ABCA9: variants seen among roughly 807,000 people sequenced by gnomAD.
ABCA9 encodes the protein ATP-binding cassette sub-family A member 9.
ABCA9 carries 183 observed loss-of-function variants against 205.3 expected under a neutral mutation model. That is an observed-to-expected ratio of 0.89 (90% CI 0.79 to 1.01). The LOEUF (loss-of-function observed/expected upper bound fraction) is 1.01, where lower values mean the gene tolerates loss of function less well. Among genes scored for constraint, ABCA9 ranks in the 50% least tolerant of loss-of-function variants. The pLI is 0.00. For synonymous variants in ABCA9, 651 were observed against 683.3 expected, an observed-to-expected ratio of 0.95 and a Z score of 0.74; for missense variants, 1,805 against 1,912.4, an observed-to-expected ratio of 0.94 and a Z score of 1.05.
intron 31 of ABCA9, 113 bp downstream of exon 31, chr17:68,988,914 A>C (rs1286782278): frequency 1.5e-6 from 1 of 652,760 alleles, no homozygotes; most frequent in African/African-American, 1.8e-5. Flanking sequence ...AATCTTCTTT[A>C]TTCAATGCAT....
intron 10 of ABCA9, among the ~76,000 whole-genome samples, chr17:69,031,613 C>T (rs1952168548): frequency 1.3e-5 from 2 of 152,310 alleles, no homozygotes; most frequent in South Asian, 4.1e-4. Flanking sequence ...ATGAAACTAA[C>T]AGTCCTGACT....
At position 69,035,819 on chromosome 17, in the gene ABCA9, C is replaced by G. The variant is rs768662846; in HGVS notation, c.801-18G>C. On this transcript the variant is annotated intron_variant, in intron 6 of 38. Coordinates refer to ENST00000340001, the MANE Select transcript of ABCA9 (RefSeq NM_080283.4). ...AGGAAAGCCTAGCAGAGAAACAAAG[C>G]CGTCAGTTAGAATGTTGTTACTTCA... 3.1e-6 allele frequency: 5 copies of G among 1,604,514 alleles called. No individual in the cohort carries two copies. In the South Asian group the frequency reaches 3.3e-5, roughly 11 times the overall value.
At chr17:69,075,222 T>C in the ABCA9 span, among the ~76,000 whole-genome samples, 1 of 152,222 alleles carries the variant, frequency 6.6e-6, no homozygotes, top group Non-Finnish European at 1.5e-5. Flanking sequence ...TAGTTTCTTT[T>C]GCCGTGCAGA....
intron 1 of ABCA9, among the ~76,000 whole-genome samples, chr17:69,054,734 A>T (rs923807911): frequency 2.6e-5 from 4 of 151,980 alleles, no homozygotes; most frequent in African/African-American, 9.7e-5. Context: ...TATGTATTAC[A>T]TTCATATATA....
intron 1 of ABCA9, among the ~76,000 whole-genome samples, chr17:69,058,079 G>A (rs1033513880): frequency 2.6e-5 from 4 of 152,120 alleles, no homozygotes; most frequent in South Asian, 2.1e-4. Flanking sequence ...TAAAGAAAAC[G>A]TAAGACCTAA....
Position 69,053,985 on chromosome 17 carries a change from T to C in ABCA9, c.-13-2846A>G, listed in dbSNP as rs190411009. Among the ~76,000 whole-genome samples, 256 of 152,310 alleles carry C rather than the reference T, an allele frequency of 1.7e-3. 2 individuals are homozygous for C. Among genetic ancestry groups the C allele is most frequent in the African/African-American group, 5.8e-3 (243 of 41,574 alleles). ...GAGGAGCAAAAATAAGAATTTTATC[T>C]AACTTTTCTTCAGAAATTATGGAAA... On this transcript the variant is annotated intron_variant, in intron 1 of 38. Coordinates refer to ENST00000340001, the MANE Select transcript of ABCA9 (RefSeq NM_080283.4).
At chr17:68,989,270 A>T (rs1475908569) in intron 30 of ABCA9, 152 bp from the exon 31 acceptor site, 214 of 504,022 alleles carry the variant, frequency 4.2e-4, no homozygotes, top group African/African-American at 1.1e-3. Flanking sequence ...ACACACACAC[A>T]CACACACACA....
At chr17:69,067,425 G>A in the ABCA9 span, among the ~76,000 whole-genome samples, 1 of 151,754 alleles carries the variant, frequency 6.6e-6, no homozygotes, top group Non-Finnish European at 1.5e-5. Flanking sequence ...GTACATGCCT[G>A]CAGTTCCAGC....
intron 25 of ABCA9, among the ~76,000 whole-genome samples, chr17:69,004,061 G>A (rs1178371564): frequency 6.6e-6 from 1 of 152,022 alleles, no homozygotes; most frequent in Non-Finnish European, 1.5e-5. Context: ...CCTTTGGTTT[G>A]CATGTCTTCC....
chr17:69,006,375 CAAG>C lies in ABCA9; in HGVS notation c.3435+1381_3435+1383del, dbSNP rs1180805790. Among the ~76,000 whole-genome samples the C allele has an allele frequency of 4.6e-5, 7 of 152,138 alleles. No homozygotes were observed. The East Asian group carries it at 5.8e-4, about 13-fold the overall frequency. ...CAGTGTTATTTATAGCAGTTCAAAA[CAAG>C]AAGCCACTTGAATGTCCATCAACAA... On this transcript the variant is annotated intron_variant, in intron 25 of 38. Coordinates refer to ENST00000340001, the MANE Select transcript of ABCA9 (RefSeq NM_080283.4).
At chr17:69,021,695 TCCTTTCTTTCTTTCTC>T (rs1053171153) in intron 18 of ABCA9, 31 bp downstream of exon 18, 30 of 1,274,644 alleles carry the variant, frequency 2.4e-5, no homozygotes, top group Non-Finnish European at 3.2e-5. Context: ...CTTCCTTCCT[TCCTTTCTTTCTTTCTC>T]CCTTTCTTTC....
At position 68,983,615 on chromosome 17, in the gene ABCA9, AAGAACG is replaced by A. The variant is rs2069133024; in HGVS notation, c.4640+88_4640+93del. On this transcript the variant is annotated intron_variant, in intron 36 of 38. Transcript: ENST00000340001. ...AGTACTTGCAATTACCATAGAGTTA[AAGAACG>A]AGAAGATAAAGCTCTTATTCCGTCA... 4 of 1,512,430 alleles carry A rather than the reference AAGAACG, an allele frequency of 2.6e-6. No homozygotes were observed. In the African/African-American group the frequency reaches 5.6e-5, roughly 21 times the overall value. 93.7% of individuals were successfully genotyped at this position (1,512,430 alleles called of 1,614,324 possible). A position where few individuals can be genotyped will look rare whatever the true frequency, so the allele number is the denominator to read the frequency against.
chr17:68,989,636 T>C (rs1041043107), intron 30 of ABCA9, among the ~76,000 whole-genome samples, 177 bp downstream of exon 30: 3 of 152,192 alleles, frequency 2.0e-5, no homozygotes, highest in Non-Finnish European at 4.4e-5. Context: ...CATAACTGTC[T>C]TCCTATGTAA....
chr17:69,027,520 C>A (rs1199524291), intron 13 of ABCA9, 71 bp from the exon 14 acceptor site: 1 of 1,567,378 alleles, frequency 6.4e-7, no homozygotes, highest in Non-Finnish European at 8.6e-7. Flanking sequence ...TTTTTCTGTT[C>A]TTTACAAAGG....
intron 5 of ABCA9, among the ~76,000 whole-genome samples, chr17:69,044,066 T>C (rs1288649100): frequency 9.9e-5 from 15 of 152,066 alleles, no homozygotes; most frequent in Non-Finnish European, 2.9e-5. Flanking sequence ...GGTGGCATGG[T>C]CTGTAATCCC....
chr17:69,004,992 C>T (rs57315933), intron 25 of ABCA9, among the ~76,000 whole-genome samples: 2,074 of 152,182 alleles, frequency 0.014, 40 homozygotes, highest in African/African-American at 0.045. Flanking sequence ...GTGCATGGTG[C>T]GCGCACCCAC....
intron 1 of ABCA9, chr17:69,051,613 G>C (rs1396217554): frequency 1.3e-5 from 2 of 156,394 alleles, no homozygotes; most frequent in African/African-American, 4.8e-5. Context: ...ACCAGTGCAA[G>C]GATGTTCTTT....
At chr17:69,020,311 GTTTCT>G (rs1280426228) in intron 19 of ABCA9, 72 bp downstream of exon 19, 3 of 1,349,634 alleles carry the variant, frequency 2.2e-6, no homozygotes, top group East Asian at 2.4e-5. Flanking sequence ...TTTTATCTGA[GTTTCT>G]TTTATGTTTT....
At chr17:69,035,853 T>G in intron 6 of ABCA9, 52 bp from the exon 7 acceptor site, 1 of 1,556,898 alleles carries the variant, frequency 6.4e-7, no homozygotes. Context: ...CATCACTTCC[T>G]TGATTCATTT....
Sources: gnomAD v4.1 joint callset for allele counts (sites outside exome capture counted in the v4.1 genomes callset) on GRCh38, gnomAD v4.1.1 for gene constraint, MANE v1.5 for transcripts, NCBI Gene and HGNC (gene_info 2026-07-23, HGNC 2026-07-21) for gene names.